HS3ST4: variants seen among roughly 807,000 people sequenced by gnomAD.
The protein encoded by HS3ST4 is heparan sulfate glucosamine 3-O-sulfotransferase 4.
HS3ST4 carries 17 observed loss-of-function variants against 29.2 expected under a neutral mutation model. The ratio of observed to expected loss-of-function variants is 0.58; its 90% CI spans 0.40 to 0.87. The LOEUF (loss-of-function observed/expected upper bound fraction) is 0.87. HS3ST4 is among the 40% of genes least tolerant of loss of function. The pLI is 0.00. For synonymous variants in HS3ST4, 314 were observed against 285.7 expected, an observed-to-expected ratio of 1.10 and a Z score of -1.00; for missense variants, 627 against 634.5, an observed-to-expected ratio of 0.99 and a Z score of 0.13.
At chr16:25,872,993 C>A (rs1444071949) in intron 1 of HS3ST4, among the ~76,000 whole-genome samples, 1 of 152,122 alleles carries the variant, frequency 6.6e-6, no homozygotes, top group African/African-American at 2.4e-5. Flanking sequence ...TGGCTTTGCC[C>A]ACTTCTGCCC....
intron 1 of HS3ST4, among the ~76,000 whole-genome samples, chr16:26,028,266 C>G (rs1185836491): frequency 4.8e-5 from 6 of 125,818 alleles, no homozygotes; most frequent in Admixed American, 2.5e-4. Context: ...GAGTGAGACA[C>G]CGTCTCAAAA....
rs541904535 is a variant in HS3ST4, at chr16:26,048,883, C to T, written c.735-86729C>T. Among the ~76,000 whole-genome samples the T allele has an allele frequency of 7.2e-5, 11 of 152,118 alleles. No individual in the cohort carries two copies. The East Asian group carries it at 1.9e-3, about 27-fold the overall frequency. On this transcript the variant is annotated intron_variant, in intron 1 of 1. Coordinates refer to ENST00000331351, the MANE Select transcript of HS3ST4 (RefSeq NM_006040.3). ...TCGCAGCAAGAAAGTCATTCTCTTT[C>T]CATTTTTCTTGCAGTTCTTTAAGGA...
chr16:26,025,967 C>T (rs1260949462), intron 1 of HS3ST4, among the ~76,000 whole-genome samples: 9 of 150,524 alleles, frequency 6.0e-5, no homozygotes, highest in Non-Finnish European at 7.4e-5. Context: ...GTAGAGACAG[C>T]GTTTTACCAT....
At chr16:26,096,796 C>T (rs1162150489) in intron 1 of HS3ST4, among the ~76,000 whole-genome samples, 1 of 152,092 alleles carries the variant, frequency 6.6e-6, no homozygotes, top group Non-Finnish European at 1.5e-5. Flanking sequence ...TCAGATTGTC[C>T]CTGTTTGCAG....
intron 1 of HS3ST4, among the ~76,000 whole-genome samples, chr16:25,929,208 C>T (rs1458813137): frequency 6.6e-6 from 1 of 151,824 alleles, no homozygotes; most frequent in Non-Finnish European, 1.5e-5. Context: ...ATGGTAAAAC[C>T]CCGTCTCTAC....
At chr16:25,896,959 G>C (rs544699668) in intron 1 of HS3ST4, among the ~76,000 whole-genome samples, 5 of 152,156 alleles carry the variant, frequency 3.3e-5, no homozygotes, top group Non-Finnish European at 7.3e-5. Flanking sequence ...GGGTGCTTAC[G>C]GAGTAAAGAT....
intron 1 of HS3ST4, among the ~76,000 whole-genome samples, chr16:25,831,396 T>TACACACACACACACACACAC (rs58851793): frequency 7.9e-6 from 1 of 126,074 alleles, no homozygotes; most frequent in Non-Finnish European, 1.6e-5. Context: ...ACCCCGTCTC[T>TACACACACACACACACACAC]ACACACACAC....
chr16:26,034,875 T>G (rs985272121), intron 1 of HS3ST4, among the ~76,000 whole-genome samples: 2 of 152,072 alleles, frequency 1.3e-5, no homozygotes, highest in African/African-American at 4.8e-5. Context: ...CCCAGCTACT[T>G]GGGAAGGTGA....
intron 1 of HS3ST4, among the ~76,000 whole-genome samples, chr16:25,770,989 T>G (rs1009126878): frequency 1.3e-5 from 2 of 151,982 alleles, no homozygotes; most frequent in African/African-American, 2.4e-5. Context: ...CCAGGATTTT[T>G]TTTTTTAAGT....
intron 1 of HS3ST4, among the ~76,000 whole-genome samples, chr16:25,723,271 T>G (rs1966509504): frequency 6.6e-6 from 1 of 152,170 alleles, no homozygotes; most frequent in South Asian, 2.1e-4. Context: ...TTTTAAAAAT[T>G]AAGAAGTCAG....
chr16:25,729,675 GTTA>G (rs1966558369), intron 1 of HS3ST4, among the ~76,000 whole-genome samples: 1 of 152,170 alleles, frequency 6.6e-6, no homozygotes, highest in Admixed American at 6.5e-5. Flanking sequence ...TTTTCCCTGA[GTTA>G]TTATATCTTG....
chr16:25,903,302 G>GTGTGTATATGTATATATTATATACA (rs151301516), intron 1 of HS3ST4, among the ~76,000 whole-genome samples: 7 of 103,500 alleles, frequency 6.8e-5, no homozygotes, highest in South Asian at 3.2e-4. Flanking sequence ...GTGTGTGTGT[G>GTGTGTATATGTATATATTATATACA]TATGTATATG....
intron 1 of HS3ST4, among the ~76,000 whole-genome samples, chr16:25,789,360 TCC>T (rs1225745451): frequency 7.3e-5 from 11 of 150,170 alleles, no homozygotes; most frequent in South Asian, 2.1e-4. Flanking sequence ...TTCTTTCCTT[TCC>T]CTCTCTCTCT....
chr16:25,748,911 T>C (rs1443485938), intron 1 of HS3ST4, among the ~76,000 whole-genome samples: 1 of 152,210 alleles, frequency 6.6e-6, no homozygotes, highest in Non-Finnish European at 1.5e-5. Flanking sequence ...GAAATTGAAA[T>C]CTTTTTTGGC....
At chr16:26,129,841 T>C (rs916660666) in intron 1 of HS3ST4, among the ~76,000 whole-genome samples, 4 of 152,120 alleles carry the variant, frequency 2.6e-5, no homozygotes, top group African/African-American at 4.8e-5. Context: ...CCTCAGAACA[T>C]AGCATGGAGT....
intron 1 of HS3ST4, among the ~76,000 whole-genome samples, chr16:26,077,888 T>A (rs146375776): frequency 6.6e-6 from 1 of 152,134 alleles, no homozygotes; most frequent in Non-Finnish European, 1.5e-5. Context: ...CTGGGCAACA[T>A]AGCAAGACCC....
At chr16:25,811,143 C>T (rs925636158) in intron 1 of HS3ST4, among the ~76,000 whole-genome samples, 2 of 152,156 alleles carry the variant, frequency 1.3e-5, no homozygotes, top group Admixed American at 6.5e-5. Flanking sequence ...TGGTCCTTAA[C>T]AGCATGGGCT....
intron 1 of HS3ST4, among the ~76,000 whole-genome samples, chr16:26,080,387 G>A (rs4787346): frequency 0.59 from 89,971 of 151,966 alleles, 27,247 homozygotes; most frequent in Middle Eastern, 0.69. Flanking sequence ...GCCTGAGGAC[G>A]GACAGATCAG....
chr16:25,827,236 C>T (rs1041031366), intron 1 of HS3ST4, among the ~76,000 whole-genome samples: 8 of 152,070 alleles, frequency 5.3e-5, no homozygotes, highest in Admixed American at 2.0e-4. Flanking sequence ...GAAAGCCACA[C>T]GGTCCTACAA....
Sources: gnomAD v4.1 joint callset for allele counts (sites outside exome capture counted in the v4.1 genomes callset) on GRCh38, gnomAD v4.1.1 for gene constraint, MANE v1.5 for transcripts, NCBI Gene and HGNC (gene_info 2026-07-23, HGNC 2026-07-21) for gene names.